Variants in TASP1 observed in about 807,000 individuals in gnomAD.
TASP1 encodes threonine aspartase 1.
In TASP1, 16 loss-of-function variants were observed where a neutral mutation model predicts 56.6. The ratio of observed to expected loss-of-function variants is 0.28; its 90% CI spans 0.19 to 0.43. The LOEUF (loss-of-function observed/expected upper bound fraction) is 0.43, where lower values mean the gene tolerates loss of function less well. TASP1 is among the 20% of genes least tolerant of loss of function. The pLI is 1.00. For synonymous variants in TASP1, 179 were observed against 184.2 expected, an observed-to-expected ratio of 0.97 and a Z score of 0.23; for missense variants, 393 against 511.6, an observed-to-expected ratio of 0.77 and a Z score of 2.24.
the TASP1 span, among the ~76,000 whole-genome samples, chr20:13,347,658 G>A: frequency 6.6e-6 from 1 of 152,174 alleles, no homozygotes; most frequent in South Asian, 2.1e-4. Context: ...GGCCAACAGG[G>A]TGAAACCCCG....
intron 7 of TASP1, among the ~76,000 whole-genome samples, chr20:13,565,370 A>AGACACAATGGAGTGAAAGACACAAT (rs2046490762): frequency 6.6e-6 from 1 of 152,214 alleles, no homozygotes; most frequent in South Asian, 2.1e-4. Context: ...AAAATTTAAA[A>AGACACAATGGAGTGAAAGACACAAT]GACACAATGG....
the TASP1 span, among the ~76,000 whole-genome samples, chr20:13,186,775 C>A: frequency 9.2e-5 from 14 of 152,250 alleles, no homozygotes; most frequent in African/African-American, 3.4e-4. Flanking sequence ...TCTAGCCAGA[C>A]TAATAAAAAT....
chr20:13,178,519 G>T, the TASP1 span, among the ~76,000 whole-genome samples: 1 of 151,992 alleles, frequency 6.6e-6, no homozygotes, highest in Non-Finnish European at 1.5e-5. Flanking sequence ...AACAACAGAT[G>T]AATGAAGAAA....
chr20:13,386,900 C>T (rs547379232), downstream of TASP1, among the ~76,000 whole-genome samples: 6 of 152,112 alleles, frequency 3.9e-5, no homozygotes, highest in Non-Finnish European at 8.8e-5. Flanking sequence ...TCAGGGGGTA[C>T]GTGTGCAGGT....
chr20:13,413,843 C>G (rs1386974791), intron 13 of TASP1, among the ~76,000 whole-genome samples: 1 of 152,180 alleles, frequency 6.6e-6, no homozygotes, highest in African/African-American at 2.4e-5. Context: ...TGCTGTTGCT[C>G]TATCCATCCA....
the TASP1 span, among the ~76,000 whole-genome samples, chr20:13,203,331 ACT>A: frequency 6.6e-6 from 1 of 152,040 alleles, no homozygotes; most frequent in South Asian, 2.1e-4. Flanking sequence ...CACTACTTGA[ACT>A]CTCTAATGTC....
At chr20:13,593,863 T>C (rs1208524323) in intron 4 of TASP1, among the ~76,000 whole-genome samples, 1 of 152,138 alleles carries the variant, frequency 6.6e-6, no homozygotes, top group Non-Finnish European at 1.5e-5. Flanking sequence ...CTCCCAGCAT[T>C]TCATTTCAGC....
chr20:13,274,901 C>T, the TASP1 span, among the ~76,000 whole-genome samples: 1 of 152,094 alleles, frequency 6.6e-6, no homozygotes, highest in Non-Finnish European at 1.5e-5. Context: ...AACTGAGTCT[C>T]CATATGAAAT....
At chr20:13,280,981 C>T in the TASP1 span, among the ~76,000 whole-genome samples, 67,895 of 152,074 alleles carry the variant, frequency 0.45, 16,404 homozygotes, top group African/African-American at 0.65. Context: ...ACTTGTCTTA[C>T]ACCATTTGCA....
chr20:13,463,163 G>C (rs2044119280), intron 11 of TASP1, among the ~76,000 whole-genome samples: 1 of 152,072 alleles, frequency 6.6e-6, no homozygotes, highest in African/African-American at 2.4e-5. Context: ...ATGGCATAAA[G>C]ACAGACATAT....
the TASP1 span, among the ~76,000 whole-genome samples, chr20:13,287,571 A>G: frequency 6.6e-6 from 1 of 152,134 alleles, no homozygotes; most frequent in Non-Finnish European, 1.5e-5. Context: ...AATTTCTAAC[A>G]TGCCATCTAA....
intron 2 of TASP1, among the ~76,000 whole-genome samples, chr20:13,628,419 C>T (rs2048974009): frequency 6.6e-6 from 1 of 152,194 alleles, no homozygotes; most frequent in African/African-American, 2.4e-5. Context: ...AGTCTGAAGG[C>T]AGAAGCTCTA....
intron 6 of TASP1, among the ~76,000 whole-genome samples, chr20:13,570,018 A>G (rs2046659071): frequency 6.6e-6 from 1 of 152,118 alleles, no homozygotes; most frequent in African/African-American, 2.4e-5. Context: ...ATCCAAAATT[A>G]GTGGGTACAT....
chr20:13,541,183 T>C (rs542635884), intron 8 of TASP1, among the ~76,000 whole-genome samples: 16 of 152,110 alleles, frequency 1.1e-4, no homozygotes, highest in Admixed American at 8.5e-4. Flanking sequence ...AATCCTGATC[T>C]CCAGGAAGCC....
chr20:13,105,586 G>A, the TASP1 span, among the ~76,000 whole-genome samples: 3 of 152,032 alleles, frequency 2.0e-5, no homozygotes, highest in African/African-American at 7.2e-5. Flanking sequence ...GACCTTTTTG[G>A]TGCAAAAACA....
At chr20:13,516,662 T>G (rs923966950) in intron 10 of TASP1, among the ~76,000 whole-genome samples, 6 of 104,984 alleles carry the variant, frequency 5.7e-5, no homozygotes, top group South Asian at 2.7e-4. Context: ...GCCTTTGTTT[T>G]TTTTTTTTTT....
chr20:13,505,074 G>T (rs1440418176), intron 10 of TASP1, among the ~76,000 whole-genome samples: 1 of 151,650 alleles, frequency 6.6e-6, no homozygotes, highest in Admixed American at 6.6e-5. Context: ...AAAAATGAAG[G>T]GATGAAAAAA....
intron 10 of TASP1, among the ~76,000 whole-genome samples, chr20:13,520,009 A>C (rs1187536197): frequency 6.6e-6 from 1 of 152,128 alleles, no homozygotes; most frequent in African/African-American, 2.4e-5. Flanking sequence ...TCATGAGTGA[A>C]CTCCCATTCA....
rs71188167 is a variant in TASP1, at chr20:13,609,686, C to CAAA, written c.282+13757_282+13759dup. On this transcript the variant is annotated intron_variant, in intron 4 of 13. Coordinates refer to ENST00000337743, the MANE Select transcript of TASP1 (RefSeq NM_017714.3). The stretch of plus-strand genomic sequence containing the variant: ...GGGCAACAAGCGCAAAACTCTGTCT[C>CAAA]AAAAAAAAAAAAAAAAAAAAAAGTT... 3.3e-3 allele frequency among the ~76,000 whole-genome samples: 165 copies of CAAA among 49,882 alleles called. 3 individuals are homozygous for CAAA. The highest frequency in any genetic ancestry group is 0.011 in the African/African-American group (153 of 13,924). 32.7% of individuals were successfully genotyped at this position (49,882 alleles called of 152,430 possible). A position where few individuals can be genotyped will look rare whatever the true frequency, so the allele number is the denominator to read the frequency against.
Sources: allele counts gnomAD v4.1 joint callset (sites outside exome capture counted in the v4.1 genomes callset), GRCh38; gene constraint gnomAD v4.1.1; transcripts MANE v1.5; gene names NCBI Gene and HGNC (gene_info 2026-07-23, HGNC 2026-07-21).